The following ZNF521 variants were observed in gnomAD, a reference collection of about 807,000 sequenced individuals.
ZNF521 encodes the protein LYST-interacting protein 3.
ZNF521 carries 14 observed loss-of-function variants against 105.5 expected under a neutral mutation model. The ratio of observed to expected loss-of-function variants is 0.13; its 90% CI spans 0.09 to 0.21. The LOEUF is 0.21. Among genes scored for constraint, ZNF521 ranks in the 10% least tolerant of loss-of-function variants. ZNF521 has a pLI of 1.00. For missense variants in ZNF521, 1,233 were observed against 1,629.7 expected, an observed-to-expected ratio of 0.76 and a Z score of 4.19; for synonymous variants, 635 against 606.0, an observed-to-expected ratio of 1.05 and a Z score of -0.70.
chr18:25,281,162 C>T lies in ZNF521; in HGVS notation c.220+40846G>A, dbSNP rs546143106. On this transcript the variant is annotated intron_variant, in intron 3 of 7. Transcript: ENST00000361524. ...TTTCCTATGCACCTACAGCTTTATC[C>T]GTCTTGCATGGTATTTGATCTGCAG... Among the ~76,000 whole-genome samples the T allele has an allele frequency of 2.1e-4, 32 of 152,236 alleles. No individual in the cohort carries two copies. The South Asian group carries it at 5.6e-3, about 27-fold the overall frequency.
At chr18:25,159,233 T>C (rs2035204612) in intron 5 of ZNF521, among the ~76,000 whole-genome samples, 1 of 152,168 alleles carries the variant, frequency 6.6e-6, no homozygotes, top group South Asian at 2.1e-4. Context: ...TCACTTGGCA[T>C]GGTGGGGTGT....
intron 3 of ZNF521, among the ~76,000 whole-genome samples, chr18:25,292,077 A>G (rs1911063299): frequency 6.6e-6 from 1 of 152,204 alleles, no homozygotes; most frequent in Non-Finnish European, 1.5e-5. Flanking sequence ...AGTGCTATCC[A>G]AGGTTATTGT....
rs2144744261 is a variant in ZNF521 at position 25,227,710 on chromosome 18, G to A, written c.221-13C>T. The A allele has an allele frequency of 6.3e-7, 1 of 1,599,126 alleles. No homozygotes were observed. The highest frequency in any genetic ancestry group is 8.5e-7 in the Non-Finnish European group (1 of 1,171,896). On this transcript the variant is annotated splice_polypyrimidine_tract_variant and intron_variant, in intron 3 of 7. Coordinates refer to ENST00000361524, the MANE Select transcript of ZNF521 (RefSeq NM_015461.3). This position sits in a 1 kb window ranked among gnomAD's most constrained non-coding sequence, Gnocchi z 5.7. ...ACATCCACTCCATCTGCAACAAGAA[G>A]CAATGACAAATTTCATCTGACATGT...
In ZNF521 at chr18:25,226,457, G is replaced by A. The variant is rs368668312; in HGVS notation, c.1461C>T (p.Asn487=). ...TGTGTTCCTGAAGAGTGTTGAGGTCGTTGACAACTTCGGAACAGAAGTTAC... is the reference window on the plus strand; with the variant it reads ...TGTGTTCCTGAAGAGTGTTGAGGTCATTGACAACTTCGGAACAGAAGTTAC... ...YQCNFCSEVV[N]DLNTLQEHIR... Residue 487 remains asparagine, a synonymous_variant, in exon 4 of 8, where the codon AAC becomes AAT. Transcript: ENST00000361524. This position sits in a 1 kb window ranked among gnomAD's most constrained non-coding sequence, Gnocchi z 4.1. 1.4e-4 allele frequency: 227 copies of A among 1,614,018 alleles called. No individual in the cohort carries two copies. The highest frequency in any genetic ancestry group is 1.8e-4 in the Non-Finnish European group (209 of 1,180,012).
At chr18:25,154,476 A>C (rs895291536) in intron 5 of ZNF521, among the ~76,000 whole-genome samples, 1 of 152,160 alleles carries the variant, frequency 6.6e-6, no homozygotes, top group African/African-American at 2.4e-5. Context: ...GGTGAAGGAA[A>C]AGAGGCAAAA....
chr18:25,081,984 A>G (rs2033506194), intron 7 of ZNF521, among the ~76,000 whole-genome samples: 1 of 152,240 alleles, frequency 6.6e-6, no homozygotes, highest in African/African-American at 2.4e-5. Context: ...TAACAGCTGA[A>G]AGTGATCAAA....
At chr18:25,174,411 C>T (rs541487765) in intron 5 of ZNF521, among the ~76,000 whole-genome samples, 1 of 152,150 alleles carries the variant, frequency 6.6e-6, no homozygotes, top group Non-Finnish European at 1.5e-5. Flanking sequence ...CTCCATTCCA[C>T]GTGAACATTA....
chr18:25,271,596 G>T (rs28877297), intron 3 of ZNF521, among the ~76,000 whole-genome samples: 1 of 152,008 alleles, frequency 6.6e-6, no homozygotes, highest in African/African-American at 2.4e-5. Flanking sequence ...CAGAACAGAG[G>T]CCTCAGAAAT....
At chr18:25,290,710 A>C (rs1048645494) in intron 3 of ZNF521, among the ~76,000 whole-genome samples, 2 of 148,816 alleles carry the variant, frequency 1.3e-5, no homozygotes, top group African/African-American at 5.0e-5. Flanking sequence ...TCCCGGGTTC[A>C]AGCAATTCTC....
intron 3 of ZNF521, among the ~76,000 whole-genome samples, chr18:25,261,146 A>G (rs1055235159): frequency 2.0e-5 from 3 of 152,138 alleles, no homozygotes; most frequent in African/African-American, 7.2e-5. Flanking sequence ...AGTCCTCCTC[A>G]GTTTGGCCAA....
Position 25,224,828 on chromosome 18 carries a change from G to T in ZNF521, c.3090C>A (p.Thr1030=), listed in dbSNP as rs747788999. Residue 1030 remains threonine (T), a synonymous_variant, in exon 4 of 8, where the codon ACC becomes ACA. Coordinates refer to ENST00000361524, the MANE Select transcript of ZNF521 (RefSeq NM_015461.3). ...CATGGATTTTGAGTTCCAAGGTGGA[G>T]GTCACTGTCTGCATGCACACCACGC... ...FRCVVCMQTV[T]STLELKIHGT... is the part of the protein sequence containing the mutation. 3 of 1,614,080 alleles carry T rather than the reference G, an allele frequency of 1.9e-6. No homozygotes were observed. The highest frequency in any genetic ancestry group is 4.5e-5 in the East Asian group (2 of 44,842).
chr18:25,181,459 C>T (rs760415390), intron 5 of ZNF521, among the ~76,000 whole-genome samples: 12 of 152,082 alleles, frequency 7.9e-5, no homozygotes, highest in Non-Finnish European at 1.3e-4. Flanking sequence ...GATTTAATCA[C>T]GTAAAAACAT....
intron 2 of ZNF521, among the ~76,000 whole-genome samples, chr18:25,343,088 A>G (rs533500036): frequency 6.6e-6 from 1 of 152,214 alleles, no homozygotes; most frequent in Non-Finnish European, 1.5e-5. Context: ...CAACAAATGT[A>G]TTTTGTATGA....
intron 3 of ZNF521, among the ~76,000 whole-genome samples, chr18:25,235,760 A>G (rs1456534432): frequency 2.0e-5 from 3 of 152,202 alleles, no homozygotes; most frequent in African/African-American, 2.4e-5. Context: ...AAAAGGCCAC[A>G]CTGTATACTT....
At chr18:25,254,297 G>C (rs1908323959) in intron 3 of ZNF521, among the ~76,000 whole-genome samples, 1 of 152,092 alleles carries the variant, frequency 6.6e-6, no homozygotes, top group African/African-American at 2.4e-5. Context: ...CTTACAGGTA[G>C]AAGCATGTAC....
At chr18:25,276,301 A>G (rs1337109639) in intron 3 of ZNF521, among the ~76,000 whole-genome samples, 2 of 152,250 alleles carry the variant, frequency 1.3e-5, no homozygotes, top group East Asian at 1.9e-4. Context: ...AAGGCATATC[A>G]AAACACATTT....
At chr18:25,214,662 A>C (rs1422622789) in intron 4 of ZNF521, among the ~76,000 whole-genome samples, 2 of 152,142 alleles carry the variant, frequency 1.3e-5, no homozygotes, top group African/African-American at 4.8e-5. Context: ...TAAACTTTAA[A>C]ATGTATGATT....
intron 5 of ZNF521, among the ~76,000 whole-genome samples, chr18:25,109,930 C>A (rs895076409): frequency 2.0e-5 from 3 of 152,152 alleles, no homozygotes; most frequent in African/African-American, 7.2e-5. Flanking sequence ...ATTTCTTCTG[C>A]TGTGCCAAAG....
intron 5 of ZNF521, among the ~76,000 whole-genome samples, chr18:25,158,024 G>C (rs111580990): frequency 2.6e-5 from 4 of 152,046 alleles, no homozygotes; most frequent in Non-Finnish European, 5.9e-5. Flanking sequence ...AAAGTGCTGG[G>C]ATTACAGGCA....
Sources: allele counts gnomAD v4.1 joint callset (sites outside exome capture counted in the v4.1 genomes callset), GRCh38; gene constraint gnomAD v4.1.1; non-coding constraint Gnocchi (gnomAD v3.1); transcripts MANE v1.5; gene names NCBI Gene and HGNC (gene_info 2026-07-23, HGNC 2026-07-21).